Variants in HDAC9 observed in about 807,000 individuals in gnomAD.
HDAC9 encodes MEF-2 interacting transcription repressor (MITR) protein.
Under a neutral mutation model 139.4 loss-of-function variants are expected in HDAC9, and 41 were observed. That is an observed-to-expected ratio of 0.29 (90% CI 0.23 to 0.38). The LOEUF is 0.38. Among genes scored for constraint, HDAC9 ranks in the 10% least tolerant of loss-of-function variants. The pLI is 1.00. For missense variants in HDAC9, 1,147 were observed against 1,297.0 expected (o/e 0.88, Z 1.78); for synonymous variants, 517 against 476.2 (o/e 1.09, Z -1.12).
chr7:18,104,286 T>C (rs1437081571), intron 1 of HDAC9, among the ~76,000 whole-genome samples: 1 of 152,230 alleles, frequency 6.6e-6, no homozygotes, highest in Non-Finnish European at 1.5e-5. Flanking sequence ...GGTTTCTTTT[T>C]GTAACCATAA....
chr7:18,459,944 CT>C (rs773866817), intron 1 of HDAC9, among the ~76,000 whole-genome samples: 235 of 129,282 alleles, frequency 1.8e-3, no homozygotes, highest in Middle Eastern at 4.1e-3. Flanking sequence ...TACAGATTTG[CT>C]TTTTTTTTTT....
At position 18,694,413 on chromosome 7, in the gene HDAC9, A is replaced by T. The variant is rs528264842; in HGVS notation, c.1731+27937A>T. Among the ~76,000 whole-genome samples, 9 of 152,162 alleles carry T rather than the reference A, an allele frequency of 5.9e-5. No individual in the cohort carries two copies. The East Asian group carries it at 1.7e-3, about 29-fold the overall frequency. On this transcript the variant is annotated intron_variant, in intron 12 of 25. Transcript: ENST00000686413. ...AGCTATCTCATTTTCTTTAGGGTTA[A>T]TTTTCTCTTCTTAACGTAATGAGAT...
chr7:18,300,912 T>C (rs1379863522), intron 1 of HDAC9, among the ~76,000 whole-genome samples: 1 of 152,148 alleles, frequency 6.6e-6, no homozygotes, highest in Non-Finnish European at 1.5e-5. Context: ...TGGATTCTAG[T>C]TAATACAGTA....
intron 1 of HDAC9, among the ~76,000 whole-genome samples, chr7:18,396,050 A>G (rs1051375420): frequency 5.6e-5 from 8 of 142,104 alleles, no homozygotes; most frequent in African/African-American, 2.1e-4. Flanking sequence ...AGCTGAGTAG[A>G]TTGTCCTGCC....
chr7:18,726,898 GTGATTCAC>G (rs1410634080), intron 12 of HDAC9, among the ~76,000 whole-genome samples: 3 of 152,070 alleles, frequency 2.0e-5, no homozygotes, highest in Non-Finnish European at 4.4e-5. Flanking sequence ...ATTCCAAACT[GTGATTCAC>G]TGATTCGGTA....
chr7:18,732,343 A>C (rs1269798951), intron 13 of HDAC9, among the ~76,000 whole-genome samples: 1 of 152,114 alleles, frequency 6.6e-6, no homozygotes, highest in African/African-American at 2.4e-5. Flanking sequence ...TTATTTTTCA[A>C]TCAATACTTT....
intron 14 of HDAC9, among the ~76,000 whole-genome samples, chr7:18,761,594 C>A (rs932496257): frequency 6.6e-6 from 1 of 152,076 alleles, no homozygotes; most frequent in Non-Finnish European, 1.5e-5. Flanking sequence ...CACTACAGAC[C>A]ATTAATAAAC....
chr7:18,494,482 A>C (rs1293248403), upstream of HDAC9, among the ~76,000 whole-genome samples: 2 of 151,924 alleles, frequency 1.3e-5, no homozygotes, highest in Non-Finnish European at 2.9e-5. Context: ...TTCCTCGCTG[A>C]TTTAGTTTAG....
intron 2 of HDAC9, among the ~76,000 whole-genome samples, chr7:18,242,849 A>G (rs1038836229): frequency 2.2e-4 from 33 of 152,194 alleles, no homozygotes; most frequent in Admixed American, 2.1e-3. Flanking sequence ...TTTAGAATGG[A>G]AGGGTCTTAC....
chr7:18,509,331 G>T, intron 2 of HDAC9: 1 of 985,420 alleles, frequency 1.0e-6, no homozygotes, highest in South Asian at 4.7e-5. Context: ...TGGGTAGGTG[G>T]GAGAACCAGG....
At chr7:18,315,060 A>G (rs1424532774) in intron 1 of HDAC9, among the ~76,000 whole-genome samples, 1 of 152,172 alleles carries the variant, frequency 6.6e-6, no homozygotes, top group East Asian at 1.9e-4. Context: ...TTGTGATCTG[A>G]TTGTAGGTAT....
intron 1 of HDAC9, among the ~76,000 whole-genome samples, chr7:18,395,598 G>A (rs1322640283): frequency 6.7e-6 from 1 of 150,124 alleles, no homozygotes; most frequent in African/African-American, 2.4e-5. Flanking sequence ...TTCTTTGTTA[G>A]AGTATTCTCA....
At chr7:18,238,925 A>G (rs1009837289) in intron 2 of HDAC9, among the ~76,000 whole-genome samples, 4 of 152,228 alleles carry the variant, frequency 2.6e-5, no homozygotes, top group African/African-American at 9.6e-5. Flanking sequence ...CAAGTCAGGA[A>G]CATTGCCTTA....
chr7:18,668,214 T>C, intron 12 of HDAC9: 1 of 900,912 alleles, frequency 1.1e-6, no homozygotes, highest in South Asian at 5.1e-5. Context: ...TTTAAAAGTT[T>C]TCCACATAAT....
intron 1 of HDAC9, among the ~76,000 whole-genome samples, chr7:18,483,002 CT>C (rs903862007): frequency 6.6e-6 from 1 of 152,140 alleles, no homozygotes; most frequent in Non-Finnish European, 1.5e-5. Flanking sequence ...TGAAGTGTGA[CT>C]TTTTCCACTG....
chr7:18,258,715 C>G (rs1032215022), intron 2 of HDAC9, among the ~76,000 whole-genome samples: 4 of 152,108 alleles, frequency 2.6e-5, no homozygotes, highest in Non-Finnish European at 5.9e-5. Context: ...ATACTAAATT[C>G]AGTTTACACT....
At chr7:18,977,747 T>C (rs913931036) in intron 25 of HDAC9, among the ~76,000 whole-genome samples, 5 of 152,150 alleles carry the variant, frequency 3.3e-5, no homozygotes, top group Non-Finnish European at 7.4e-5. Context: ...AGACAGATTA[T>C]ATCTATTGTG....
At chr7:18,153,713 C>T (rs944196954) in intron 1 of HDAC9, among the ~76,000 whole-genome samples, 1 of 152,188 alleles carries the variant, frequency 6.6e-6, no homozygotes, top group African/African-American at 2.4e-5. Flanking sequence ...CCTCTAGAAC[C>T]TATTCTCCTG....
intron 2 of HDAC9, among the ~76,000 whole-genome samples, chr7:18,200,665 A>G (rs569645144): frequency 6.6e-6 from 1 of 152,320 alleles, no homozygotes; most frequent in East Asian, 1.9e-4. Context: ...GTTCAACATT[A>G]TGAATGATAT....
Sources: gnomAD v4.1 joint callset for allele counts (sites outside exome capture counted in the v4.1 genomes callset) on GRCh38, gnomAD v4.1.1 for gene constraint, MANE v1.5 for transcripts, NCBI Gene and HGNC (gene_info 2026-07-23, HGNC 2026-07-21) for gene names.